Variants in NAALADL2 observed in about 807,000 individuals in gnomAD.
The protein encoded by NAALADL2 is inactive N-acetylated-alpha-linked acidic dipeptidase-like protein 2.
NAALADL2 carries 76 observed loss-of-function variants against 87.2 expected under a neutral mutation model. That is an observed-to-expected ratio of 0.87 (90% CI 0.72 to 1.05). The LOEUF (loss-of-function observed/expected upper bound fraction) is 1.05, where lower values mean the gene tolerates loss of function less well. NAALADL2 is among the 50% of genes least tolerant of loss of function. NAALADL2 has a pLI of 0.00. For missense variants in NAALADL2, 1,089 were observed against 945.8 expected (o/e 1.15, Z -1.99); for synonymous variants, 354 against 331.0 (o/e 1.07, Z -0.75).
intron 10 of NAALADL2, among the ~76,000 whole-genome samples, chr3:175,598,612 T>C (rs1722556846): frequency 6.6e-6 from 1 of 152,132 alleles, no homozygotes. Context: ...ATAACTATTA[T>C]GACTCAAAGT....
At chr3:174,914,093 C>T (rs1579497719) in intron 1 of NAALADL2, among the ~76,000 whole-genome samples, 1 of 150,272 alleles carries the variant, frequency 6.7e-6, no homozygotes, top group East Asian at 1.9e-4. Context: ...GACGGAGTCT[C>T]ACTCTGTTAC....
chr3:174,607,632 A>G (rs929387290), intron 2 of NAALADL2, among the ~76,000 whole-genome samples: 1 of 152,030 alleles, frequency 6.6e-6, no homozygotes, highest in Non-Finnish European at 1.5e-5. Context: ...CTAAATATAT[A>G]TGCACCCAAT....
At chr3:175,259,740 C>A (rs183173580) in intron 4 of NAALADL2, among the ~76,000 whole-genome samples, 1 of 152,132 alleles carries the variant, frequency 6.6e-6, no homozygotes, top group African/African-American at 2.4e-5. Context: ...TAAAATACAG[C>A]AATTATAATT....
intron 2 of NAALADL2, among the ~76,000 whole-genome samples, chr3:174,726,511 T>C (rs1732199926): frequency 6.6e-6 from 1 of 152,186 alleles, no homozygotes; most frequent in African/African-American, 2.4e-5. Context: ...AGTGAACTTT[T>C]TGATGCTCCT....
chr3:174,999,080 T>C (rs1747894007), intron 1 of NAALADL2, among the ~76,000 whole-genome samples: 1 of 152,204 alleles, frequency 6.6e-6, no homozygotes, highest in Admixed American at 6.5e-5. Flanking sequence ...TTGTTATTGA[T>C]ACATTTACTA....
At chr3:174,668,887 C>A (rs1483136153) in intron 2 of NAALADL2, among the ~76,000 whole-genome samples, 1 of 152,104 alleles carries the variant, frequency 6.6e-6, no homozygotes, top group East Asian at 1.9e-4. Flanking sequence ...AACATGTGTG[C>A]ATGTGTCTTT....
chr3:175,782,745 A>G (rs1332995432), intron 13 of NAALADL2, among the ~76,000 whole-genome samples: 3 of 141,254 alleles, frequency 2.1e-5, no homozygotes, highest in Non-Finnish European at 4.5e-5. Flanking sequence ...TTTTGTTGCC[A>G]TTGCTTTTGG....
chr3:174,522,752 G>A (rs1168065276), intron 1 of NAALADL2, among the ~76,000 whole-genome samples: 1 of 151,774 alleles, frequency 6.6e-6, no homozygotes, highest in Non-Finnish European at 1.5e-5. Context: ...GGCTAACACG[G>A]TGAAACCCCG....
intron 1 of NAALADL2, among the ~76,000 whole-genome samples, chr3:174,908,686 A>G (rs1008595060): frequency 7.2e-5 from 11 of 152,238 alleles, no homozygotes; most frequent in African/African-American, 2.4e-4. Context: ...AATTTGACTT[A>G]TATACTAAAA....
In NAALADL2 at chr3:175,217,247, A is replaced by C. The variant is rs1435388173; in HGVS notation, c.546-16684A>C. ...TACACAGGGAGGTATAAATGCATAT[A>C]AAAATCAAGACATTTCAGTTCTTGA... is the stretch of plus-strand genomic sequence containing the variant. On this transcript the variant is annotated intron_variant, in intron 2 of 13. Transcript: ENST00000454872. 5.3e-5 allele frequency among the ~76,000 whole-genome samples: 8 copies of C among 152,328 alleles called. No individual in the cohort carries two copies. The South Asian group carries it at 1.2e-3, about 24-fold the overall frequency.
At chr3:174,929,764 T>G (rs1282988330) in intron 1 of NAALADL2, among the ~76,000 whole-genome samples, 1 of 152,152 alleles carries the variant, frequency 6.6e-6, no homozygotes, top group Admixed American at 6.6e-5. Flanking sequence ...TACATGAAAA[T>G]GAGCAGGCCA....
At chr3:175,798,843 A>G (rs1282002825) in intron 13 of NAALADL2, among the ~76,000 whole-genome samples, 2 of 152,034 alleles carry the variant, frequency 1.3e-5, no homozygotes, top group Non-Finnish European at 2.9e-5. Context: ...TTTTATGAGC[A>G]TATTTTATTA....
intron 12 of NAALADL2, among the ~76,000 whole-genome samples, chr3:175,753,952 T>C (rs1365526970): frequency 6.6e-6 from 1 of 152,160 alleles, no homozygotes; most frequent in Non-Finnish European, 1.5e-5. Context: ...TCCTCTGTAG[T>C]GATATGCCAG....
intron 2 of NAALADL2, among the ~76,000 whole-genome samples, chr3:175,101,917 A>C (rs756179345): frequency 6.8e-6 from 1 of 147,804 alleles, no homozygotes; most frequent in Admixed American, 6.7e-5. Flanking sequence ...ATGTACAGAA[A>C]ATTATAAAGA....
chr3:174,445,533 G>A (rs1159313669), intron 1 of NAALADL2, among the ~76,000 whole-genome samples: 3 of 151,938 alleles, frequency 2.0e-5, no homozygotes, highest in Non-Finnish European at 4.4e-5. Flanking sequence ...AGTTTTTTAC[G>A]TGGTACATTC....
chr3:174,763,061 C>T (rs1713256701), intron 3 of NAALADL2, among the ~76,000 whole-genome samples: 1 of 151,980 alleles, frequency 6.6e-6, no homozygotes, highest in African/African-American at 2.4e-5. Context: ...TGTACAGTTA[C>T]TTTGCTCCTA....
chr3:175,401,171 A>G (rs1037561422), intron 5 of NAALADL2, among the ~76,000 whole-genome samples: 1 of 152,254 alleles, frequency 6.6e-6, no homozygotes, highest in East Asian at 1.9e-4. Flanking sequence ...TGAAGATACC[A>G]GAAATCCTGG....
At chr3:175,001,729 T>C (rs1418132181) in intron 1 of NAALADL2, among the ~76,000 whole-genome samples, 2 of 152,032 alleles carry the variant, frequency 1.3e-5, no homozygotes, top group South Asian at 2.1e-4. Flanking sequence ...GAAAAAAAAA[T>C]CAGATGCTCA....
At chr3:174,880,422 ATG>A (rs1259231075) in intron 1 of NAALADL2, among the ~76,000 whole-genome samples, 1 of 152,170 alleles carries the variant, frequency 6.6e-6, no homozygotes, top group African/African-American at 2.4e-5. Flanking sequence ...TGGAAATGCA[ATG>A]TCTCTGTCTT....
Sources: allele counts gnomAD v4.1 joint callset (sites outside exome capture counted in the v4.1 genomes callset), GRCh38; gene constraint gnomAD v4.1.1; transcripts MANE v1.5; gene names NCBI Gene and HGNC (gene_info 2026-07-23, HGNC 2026-07-21).